Variants in MRAP2 observed in about 807,000 individuals in gnomAD.
MRAP2 encodes the protein melanocortin 2 receptor accessory protein 2.
Under a neutral mutation model 17.4 loss-of-function variants are expected in MRAP2, and 20 were observed. That is an observed-to-expected ratio of 1.15 (90% confidence interval 0.81 to 1.67). MRAP2 has a LOEUF of 1.67. MRAP2 is among the 40% of genes most tolerant of loss of function. The pLI is 0.00. For missense variants in MRAP2, 238 were observed against 240.0 expected (o/e 0.99, Z 0.05); for synonymous variants, 96 against 88.4 (o/e 1.09, Z -0.48).
At chr6:84,120,689 G>A in the MRAP2 span, among the ~76,000 whole-genome samples, 1 of 152,098 alleles carries the variant, frequency 6.6e-6, no homozygotes. Flanking sequence ...ATGTCCCTGT[G>A]TTCCAGAACC....
chr6:84,068,054 G>T (rs1422154435), intron 3 of MRAP2, among the ~76,000 whole-genome samples: 1 of 152,070 alleles, frequency 6.6e-6, no homozygotes, highest in African/African-American at 2.4e-5. Flanking sequence ...TCCATCTTGA[G>T]TTGATTTTTG....
chr6:84,134,537 C>G, the MRAP2 span, among the ~76,000 whole-genome samples: 30 of 152,260 alleles, frequency 2.0e-4, no homozygotes, highest in Non-Finnish European at 4.0e-4. Flanking sequence ...AGCATAGTAA[C>G]TGGGCTGGAG....
the MRAP2 span, among the ~76,000 whole-genome samples, chr6:84,113,565 G>A: frequency 6.6e-6 from 1 of 152,014 alleles, no homozygotes; most frequent in East Asian, 1.9e-4. Context: ...CTTTTAATTG[G>A]GGCATTTAGG....
At chr6:84,091,431 T>C (rs1303234838), downstream of MRAP2, among the ~76,000 whole-genome samples, 1 of 151,928 alleles carries the variant, frequency 6.6e-6, no homozygotes, top group Non-Finnish European at 1.5e-5. Flanking sequence ...GATTTCACTA[T>C]ATGTTGGCCA....
chr6:84,141,964 C>T, the MRAP2 span, among the ~76,000 whole-genome samples: 18 of 152,090 alleles, frequency 1.2e-4, no homozygotes, highest in Admixed American at 2.0e-4. Flanking sequence ...AGAAAACTTC[C>T]GTCCTTTCTC....
In MRAP2 at chr6:84,035,939, G is replaced by A. The variant is rs533579645; in HGVS notation, c.-8+2056G>A. 7.9e-5 allele frequency among the ~76,000 whole-genome samples: 12 copies of A among 152,266 alleles called. 1 individual carries two copies. Among genetic ancestry groups the A allele is most frequent in the African/African-American group, 1.4e-4 (6 of 41,554 alleles). On this transcript the variant is annotated intron_variant, in intron 1 of 3. Transcript: ENST00000257776. ...ATTAAATTAGTTCAAATTGTATAAA[G>A]AGAATATCACATCTGTCCTTTTTAG...
chr6:84,045,199 T>TTA (rs1475511844), intron 1 of MRAP2: 40 of 985,138 alleles, frequency 4.1e-5, no homozygotes, highest in Non-Finnish European at 4.8e-5. Context: ...AGGAATGACT[T>TTA]TATATATATA....
chr6:84,034,581 C>T (rs926164141), intron 1 of MRAP2, among the ~76,000 whole-genome samples: 1 of 149,848 alleles, frequency 6.7e-6, no homozygotes, highest in Non-Finnish European at 1.5e-5. Context: ...AGAGTAGTCT[C>T]TGCAGAAACC....
intron 1 of MRAP2, among the ~76,000 whole-genome samples, chr6:84,044,409 A>G (rs1306295992): frequency 6.6e-6 from 1 of 151,920 alleles, no homozygotes; most frequent in Non-Finnish European, 1.5e-5. Context: ...CTGGTCTTGA[A>G]CTCCCGACCT....
chr6:84,117,527 T>G, the MRAP2 span, among the ~76,000 whole-genome samples: 2 of 152,022 alleles, frequency 1.3e-5, no homozygotes, highest in African/African-American at 4.8e-5. Context: ...TATTTATTAC[T>G]ACCTCAATTT....
intron 2 of MRAP2, chr6:84,061,767 G>C (rs2099493238): frequency 1.2e-5 from 12 of 985,326 alleles, no homozygotes; most frequent in Non-Finnish European, 1.4e-5. Flanking sequence ...GTGGTAAATT[G>C]GGAGAAAATG....
intron 1 of MRAP2, among the ~76,000 whole-genome samples, chr6:84,048,458 C>G (rs930981911): frequency 2.0e-5 from 3 of 152,208 alleles, no homozygotes; most frequent in African/African-American, 7.2e-5. Context: ...GAAAACCTAA[C>G]TATAATAAAA....
chr6:84,079,885 AT>A (rs376777356), intron 3 of MRAP2, among the ~76,000 whole-genome samples: 1 of 152,062 alleles, frequency 6.6e-6, no homozygotes, highest in African/African-American at 2.4e-5. Flanking sequence ...TTGTAGAAGT[AT>A]TTTTTTGTTG....
At chr6:84,124,949 T>C in the MRAP2 span, 1 of 749,250 alleles carries the variant, frequency 1.3e-6, no homozygotes, top group Non-Finnish European at 2.2e-6. Context: ...AATGTTGCTT[T>C]GGTTGTTTGC....
At chr6:84,081,891 A>G (rs1378761543) in intron 3 of MRAP2, among the ~76,000 whole-genome samples, 1 of 152,204 alleles carries the variant, frequency 6.6e-6, no homozygotes, top group South Asian at 2.1e-4. Context: ...GCTGCCATGT[A>G]AGATGTGCCT....
chr6:84,035,038 G>T (rs1277017499), intron 1 of MRAP2, among the ~76,000 whole-genome samples: 1 of 152,116 alleles, frequency 6.6e-6, no homozygotes, highest in African/African-American at 2.4e-5. Flanking sequence ...AAGGAGTTTC[G>T]TTCTTATGAG....
At chr6:84,039,290 T>A (rs1371236055) in intron 1 of MRAP2, among the ~76,000 whole-genome samples, 1 of 152,196 alleles carries the variant, frequency 6.6e-6, no homozygotes, top group Non-Finnish European at 1.5e-5. Flanking sequence ...TAGCAAACAA[T>A]CAAGGGAAAA....
At chr6:84,118,372 G>A in the MRAP2 span, among the ~76,000 whole-genome samples, 6 of 151,480 alleles carry the variant, frequency 4.0e-5, no homozygotes, top group Non-Finnish European at 4.4e-5. Context: ...CACCAAAGGT[G>A]GTGTCCCACC....
At chr6:84,131,677 T>G in the MRAP2 span, among the ~76,000 whole-genome samples, 2 of 152,208 alleles carry the variant, frequency 1.3e-5, no homozygotes, top group African/African-American at 2.4e-5. Flanking sequence ...TTTTTTTTGT[T>G]TTGTTTTCCA....
Sources: gnomAD v4.1 joint callset for allele counts (sites outside exome capture counted in the v4.1 genomes callset) on GRCh38, gnomAD v4.1.1 for gene constraint, MANE v1.5 for transcripts, NCBI Gene and HGNC (gene_info 2026-07-23, HGNC 2026-07-21) for gene names.